The following CD247 variants were observed in gnomAD, a reference collection of about 807,000 sequenced individuals.
CD247 encodes CD247 molecule.
In CD247, 13 loss-of-function variants were observed where a neutral mutation model predicts 30.0. That is an observed-to-expected ratio of 0.43 (90% CI 0.28 to 0.69). The LOEUF is 0.69. Among genes scored for constraint, CD247 ranks in the 30% least tolerant of loss-of-function variants. CD247 has a pLI of 0.16. For synonymous variants in CD247, 72 were observed against 80.0 expected, an observed-to-expected ratio of 0.90 and a Z score of 0.53; for missense variants, 193 against 212.6, an observed-to-expected ratio of 0.91 and a Z score of 0.57.
At chr1:167,449,256 G>A (rs1265200716) in intron 1 of CD247, among the ~76,000 whole-genome samples, 8 of 146,392 alleles carry the variant, frequency 5.5e-5, no homozygotes, top group South Asian at 2.2e-4. Context: ...AGGTTCAAGC[G>A]ATTCTCCTGC....
chr1:167,495,637 C>G (rs531660517), intron 1 of CD247, among the ~76,000 whole-genome samples: 16 of 152,182 alleles, frequency 1.1e-4, no homozygotes, highest in Non-Finnish European at 2.1e-4. Flanking sequence ...AGCAAAATGT[C>G]CTTCAAGCTT....
At chr1:167,502,309 T>TC (rs1654949548) in intron 1 of CD247, among the ~76,000 whole-genome samples, 2 of 151,972 alleles carry the variant, frequency 1.3e-5, no homozygotes, top group Non-Finnish European at 2.9e-5. Flanking sequence ...TAGAAACAAC[T>TC]CCCCCAGATA....
chr1:167,436,896 A>C (rs1364102953), intron 4 of CD247, among the ~76,000 whole-genome samples: 1 of 152,232 alleles, frequency 6.6e-6, no homozygotes, highest in Non-Finnish European at 1.5e-5. Context: ...AATTAATACA[A>C]CCATTATGGA....
chr1:167,471,734 C>A (rs1381943511), intron 1 of CD247, among the ~76,000 whole-genome samples: 1 of 151,898 alleles, frequency 6.6e-6, no homozygotes, highest in African/African-American at 2.4e-5. Context: ...TCCAGGGTAG[C>A]TGGAGCTACA....
intron 1 of CD247, among the ~76,000 whole-genome samples, chr1:167,450,911 C>CAAAA (rs35555237): frequency 5.2e-5 from 6 of 116,466 alleles, no homozygotes; most frequent in Admixed American, 8.7e-5. Flanking sequence ...GCATCTGTCT[C>CAAAA]AAAAAAAAAA....
chr1:167,492,406 C>A (rs1029567638), intron 1 of CD247, among the ~76,000 whole-genome samples: 4 of 152,142 alleles, frequency 2.6e-5, no homozygotes, highest in African/African-American at 4.8e-5. Flanking sequence ...CTGGCTGTTG[C>A]TTATTTTTGT....
chr1:167,491,587 C>T (rs1244447699), intron 1 of CD247, among the ~76,000 whole-genome samples: 2 of 149,656 alleles, frequency 1.3e-5, no homozygotes, highest in African/African-American at 2.4e-5. Flanking sequence ...AAAAATAGAA[C>T]TATCATATGG....
Position 167,484,226 on chromosome 1 carries a change from C to T in CD247, c.58+34182G>A, listed in dbSNP as rs941989428. Among the ~76,000 whole-genome samples the T allele has an allele frequency of 5.3e-5, 8 of 152,354 alleles. No individual in the cohort carries two copies. In the East Asian group the frequency reaches 1.5e-3, roughly 29 times the overall value. ...GGGTAATTTGGCCTTTTAGAGACCA[C>T]TTCCTTTACCCCCAATCAGCAGACA... is the stretch of plus-strand genomic sequence containing the variant. On this transcript the variant is annotated intron_variant, in intron 1 of 7. Coordinates refer to ENST00000362089, the MANE Select transcript of CD247 (RefSeq NM_198053.3).
Position 167,495,698 on chromosome 1 carries a change from C to T in CD247, c.58+22710G>A, listed in dbSNP as rs527952944. ...AACCCCCAGAACTCAATACGTCTGA[C>T]CTCACCTCCTACTGGCCTTCCCCTC... On this transcript the variant is annotated intron_variant, in intron 1 of 7. Transcript: ENST00000362089. 1.0e-4 allele frequency among the ~76,000 whole-genome samples: 15 copies of T among 143,940 alleles called. 1 individual carries two copies. The East Asian group carries it at 2.9e-3, about 28-fold the overall frequency. 94.4% of individuals were successfully genotyped at this position (143,940 alleles called of 152,430 possible).
At chr1:167,475,009 C>T (rs1653687511) in intron 1 of CD247, among the ~76,000 whole-genome samples, 4 of 152,028 alleles carry the variant, frequency 2.6e-5, no homozygotes, top group Admixed American at 2.0e-4. Context: ...GCCTCAGCCT[C>T]CCGAAGTGCT....
At chr1:167,507,971 C>T (rs1325353395) in intron 1 of CD247, among the ~76,000 whole-genome samples, 1 of 152,180 alleles carries the variant, frequency 6.6e-6, no homozygotes, top group African/African-American at 2.4e-5. Context: ...ATTAGGTCAG[C>T]TTCAAGTCTG....
intron 1 of CD247, among the ~76,000 whole-genome samples, chr1:167,517,881 C>T (rs1297128377): frequency 6.6e-6 from 1 of 152,192 alleles, no homozygotes; most frequent in Non-Finnish European, 1.5e-5. Flanking sequence ...CTTGGTTACC[C>T]CACTTACTCC....
chr1:167,502,278 A>G (rs1654946968), intron 1 of CD247, among the ~76,000 whole-genome samples: 1 of 152,206 alleles, frequency 6.6e-6, no homozygotes, highest in Non-Finnish European at 1.5e-5. Context: ...CAGCGTTCAA[A>G]ACGAATAAAT....
chr1:167,465,951 C>G (rs577947558), intron 1 of CD247, among the ~76,000 whole-genome samples: 1 of 152,338 alleles, frequency 6.6e-6, no homozygotes, highest in Admixed American at 6.5e-5. Flanking sequence ...GGCACATGCA[C>G]ACACTCCTGA....
intron 5 of CD247, chr1:167,435,157 CTCCTCCAGCCCT>C (rs1349069535): frequency 1.6e-5 from 3 of 193,256 alleles, no homozygotes; most frequent in African/African-American, 1.9e-4. Flanking sequence ...CTCCGGAGCC[CTCCTCCAGCCCT>C]TCCTCCAGCC....
intron 4 of CD247, among the ~76,000 whole-genome samples, chr1:167,438,140 G>A (rs1481276956): frequency 6.6e-6 from 1 of 152,080 alleles, no homozygotes; most frequent in African/African-American, 2.4e-5. Context: ...ATACCCACAG[G>A]TATAGTGTCT....
chr1:167,494,143 C>G lies in CD247; in HGVS notation c.58+24265G>C, dbSNP rs536628423. On this transcript the variant is annotated intron_variant, in intron 1 of 7. Coordinates refer to ENST00000362089, the MANE Select transcript of CD247 (RefSeq NM_198053.3). The surrounding 1 kb of genome is among the most constrained non-coding windows in gnomAD (Gnocchi z 7.3). ...GAAGAGGACAAGCAGGGGGACAGAA[C>G]TGAGTCAGGAGACACTTTAGACGAT... Among the ~76,000 whole-genome samples, 179 of 152,072 alleles carry G rather than the reference C, an allele frequency of 1.2e-3. No homozygotes were observed. The highest frequency in any genetic ancestry group is 4.2e-3 in the African/African-American group (174 of 41,466).
intron 1 of CD247, among the ~76,000 whole-genome samples, chr1:167,510,580 C>G (rs571016785): frequency 6.6e-6 from 1 of 152,284 alleles, no homozygotes; most frequent in Admixed American, 6.5e-5. Flanking sequence ...CCTGTCTTTT[C>G]TACTCTTTCC....
chr1:167,448,608 T>G, intron 1 of CD247: 5 of 825,774 alleles, frequency 6.1e-6, no homozygotes, highest in Non-Finnish European at 7.3e-6. Context: ...GCAGAACGAC[T>G]CCAGCTAATT....
Sources: allele counts gnomAD v4.1 joint callset (sites outside exome capture counted in the v4.1 genomes callset), GRCh38; gene constraint gnomAD v4.1.1; non-coding constraint Gnocchi (gnomAD v3.1); transcripts MANE v1.5; gene names NCBI Gene and HGNC (gene_info 2026-07-23, HGNC 2026-07-21).